RANBP17: variants seen among roughly 807,000 people sequenced by gnomAD.
RANBP17 encodes RAN binding protein 17, also known as ran-binding protein 17.
In RANBP17, 158 loss-of-function variants were observed where a neutral mutation model predicts 141.2. That is an observed-to-expected ratio of 1.12 (90% CI 0.98 to 1.28). RANBP17 has a LOEUF of 1.28. RANBP17 is among the 50% of genes most tolerant of loss of function. RANBP17 has a pLI of 0.00. For synonymous variants in RANBP17, 430 were observed against 450.0 expected (o/e 0.96, Z 0.56); for missense variants, 1,438 against 1,290.7 (o/e 1.11, Z -1.75).
intron 14 of RANBP17, among the ~76,000 whole-genome samples, chr5:171,151,184 T>C (rs1359487098): frequency 6.6e-6 from 1 of 152,064 alleles, no homozygotes; most frequent in African/African-American, 2.4e-5. Context: ...TAAGTGGAGG[T>C]TCAGTTCAAA....
At chr5:170,876,501 G>A (rs1768190170) in intron 1 of RANBP17, among the ~76,000 whole-genome samples, 2 of 152,052 alleles carry the variant, frequency 1.3e-5, no homozygotes, top group South Asian at 2.1e-4. Context: ...GGGTTTGTTT[G>A]GGCTAATCTA....
intron 14 of RANBP17, among the ~76,000 whole-genome samples, chr5:171,090,873 C>T (rs898521511): frequency 6.6e-6 from 1 of 152,184 alleles, no homozygotes. Context: ...GTTTGAGTAC[C>T]TCTGCCTAGA....
chr5:171,062,655 G>A (rs1403707258), intron 14 of RANBP17, among the ~76,000 whole-genome samples: 7 of 151,998 alleles, frequency 4.6e-5, no homozygotes, highest in Admixed American at 1.3e-4. Context: ...TGCTCTTCTC[G>A]AGGGGTATCT....
intron 2 of RANBP17, among the ~76,000 whole-genome samples, chr5:170,880,497 A>G (rs369389898): frequency 2.3e-4 from 35 of 152,298 alleles, no homozygotes; most frequent in African/African-American, 8.2e-4. Context: ...TTGGCTAACA[A>G]ATGAGCCACT....
At chr5:171,282,685 G>T (rs559982326) in intron 25 of RANBP17, among the ~76,000 whole-genome samples, 105 of 152,088 alleles carry the variant, frequency 6.9e-4, no homozygotes, top group African/African-American at 2.4e-3. Flanking sequence ...TCACGATGTT[G>T]GCCAGGCTGG....
At chr5:171,174,976 G>A (rs1760349046) in intron 16 of RANBP17, among the ~76,000 whole-genome samples, 2 of 151,946 alleles carry the variant, frequency 1.3e-5, no homozygotes, top group South Asian at 2.1e-4. Flanking sequence ...ACAGGCCCTG[G>A]TGTGTGATAT....
chr5:171,253,382 C>T (rs1765698825), intron 24 of RANBP17, among the ~76,000 whole-genome samples: 1 of 152,176 alleles, frequency 6.6e-6, no homozygotes, highest in African/African-American at 2.4e-5. Flanking sequence ...GAACACACTG[C>T]ATAAATTTGC....
At chr5:171,027,114 T>C (rs1781284051) in intron 14 of RANBP17, among the ~76,000 whole-genome samples, 1 of 152,168 alleles carries the variant, frequency 6.6e-6, no homozygotes, top group Non-Finnish European at 1.5e-5. Flanking sequence ...ATTTGGTCCC[T>C]TGTGCCAAAA....
intron 14 of RANBP17, among the ~76,000 whole-genome samples, chr5:171,140,804 G>A (rs1757634927): frequency 6.6e-6 from 1 of 152,156 alleles, no homozygotes; most frequent in African/African-American, 2.4e-5. Flanking sequence ...CATCTGCTTT[G>A]TATCCAAGGA....
intron 14 of RANBP17, among the ~76,000 whole-genome samples, chr5:171,120,295 G>A (rs1047715506): frequency 6.6e-6 from 1 of 152,166 alleles, no homozygotes; most frequent in African/African-American, 2.4e-5. Context: ...CTTGCCCAAG[G>A]CCCTTCTTTT....
chr5:171,242,678 G>A lies in RANBP17; in HGVS notation c.2638-4G>A. Reference sequence around the variant, plus strand: ...TTGACATTTAGTATATCTCTGTGTTGTAGCAATACCGGAAACTGAGCCAGT... The same window carrying A: ...TTGACATTTAGTATATCTCTGTGTTATAGCAATACCGGAAACTGAGCCAGT... On this transcript the variant is annotated splice_region_variant and splice_polypyrimidine_tract_variant and intron_variant, in intron 23 of 27. Transcript: ENST00000523189. The A allele has an allele frequency of 1.9e-6, 3 of 1,612,786 alleles. No homozygotes were observed. Among genetic ancestry groups the A allele is most frequent in the Non-Finnish European group, 2.5e-6 (3 of 1,179,568 alleles).
chr5:170,920,663 T>A (rs1772372604), intron 11 of RANBP17, among the ~76,000 whole-genome samples: 1 of 151,956 alleles, frequency 6.6e-6, no homozygotes, highest in Non-Finnish European at 1.5e-5. Flanking sequence ...GTGCACAATG[T>A]CTTGCCACGT....
intron 14 of RANBP17, among the ~76,000 whole-genome samples, chr5:171,128,952 A>C (rs570902625): frequency 1.1e-4 from 16 of 152,314 alleles, no homozygotes; most frequent in African/African-American, 3.8e-4. Flanking sequence ...TATAAAGAAT[A>C]CCAGTATAAA....
At chr5:171,121,527 G>T (rs1756033196) in intron 14 of RANBP17, among the ~76,000 whole-genome samples, 1 of 152,200 alleles carries the variant, frequency 6.6e-6, no homozygotes, top group African/African-American at 2.4e-5. Context: ...TGTTCTGCTG[G>T]CCCAGTAGCA....
chr5:171,257,293 A>G (rs143181397), intron 24 of RANBP17, among the ~76,000 whole-genome samples: 371 of 152,358 alleles, frequency 2.4e-3, no homozygotes, highest in African/African-American at 8.6e-3. Context: ...CACATCAACA[A>G]AATTAAGGAC....
chr5:171,281,835 A>G (rs1767880301), intron 25 of RANBP17, among the ~76,000 whole-genome samples: 1 of 152,210 alleles, frequency 6.6e-6, no homozygotes. Context: ...GTCCCTCCTG[A>G]GGCTTAGCCT....
chr5:171,255,775 G>T (rs1765843529), intron 24 of RANBP17, among the ~76,000 whole-genome samples: 2 of 152,188 alleles, frequency 1.3e-5, no homozygotes, highest in African/African-American at 4.8e-5. Flanking sequence ...ATTAAAATGT[G>T]GGGCTGGTTT....
chr5:171,198,556 A>G (rs1386715996), intron 18 of RANBP17, among the ~76,000 whole-genome samples: 2 of 152,200 alleles, frequency 1.3e-5, no homozygotes, highest in African/African-American at 4.8e-5. Flanking sequence ...CATCTGAATC[A>G]TCTGGAGGGC....
chr5:171,110,151 C>T (rs1755122346), intron 14 of RANBP17, among the ~76,000 whole-genome samples: 1 of 151,702 alleles, frequency 6.6e-6, no homozygotes, highest in Non-Finnish European at 1.5e-5. Flanking sequence ...GGCCTGACTG[C>T]CTGGTTCAGA....
Sources: gnomAD v4.1 joint callset for allele counts (sites outside exome capture counted in the v4.1 genomes callset) on GRCh38, gnomAD v4.1.1 for gene constraint, MANE v1.5 for transcripts, NCBI Gene and HGNC (gene_info 2026-07-23, HGNC 2026-07-21) for gene names.